MTCL2: variants seen among roughly 807,000 people sequenced by gnomAD.
MTCL2 encodes the protein microtubule cross-linking factor 2.
At chr20:36,829,619 G>A in the MTCL2 span, among the ~76,000 whole-genome samples, 5,028 of 148,568 alleles carry the variant, frequency 0.034, 328 homozygotes, top group African/African-American at 0.12. Context: ...CAGGGCTCAA[G>A]CAATCCTCTC....
chr20:36,784,812 G>A, the MTCL2 span: 1 of 985,562 alleles, frequency 1.0e-6, no homozygotes, highest in South Asian at 4.7e-5. Flanking sequence ...TGGTGAAAAG[G>A]CTGGCAGGCT....
chr20:36,855,224 C>A, the MTCL2 span, among the ~76,000 whole-genome samples: 1 of 152,228 alleles, frequency 6.6e-6, no homozygotes, highest in Non-Finnish European at 1.5e-5. Context: ...ACGTGCGGGG[C>A]AAGGACATCC....
the MTCL2 span, among the ~76,000 whole-genome samples, chr20:36,821,148 G>A: frequency 3.0e-3 from 451 of 152,356 alleles, 5 homozygotes; most frequent in Non-Finnish European, 1.4e-3. Flanking sequence ...TGTCCTTGGA[G>A]GTATGCTAGG....
chr20:36,814,566 T>C, the MTCL2 span, among the ~76,000 whole-genome samples: 2 of 152,048 alleles, frequency 1.3e-5, no homozygotes, highest in Non-Finnish European at 2.9e-5. Context: ...CTGGGCAATA[T>C]GGCAAGATTC....
the MTCL2 span, among the ~76,000 whole-genome samples, chr20:36,828,078 C>T: frequency 2.1e-3 from 314 of 152,284 alleles, no homozygotes; most frequent in African/African-American, 7.0e-3. Context: ...GGCTCGCCCT[C>T]GGGGGAGGAA....
chr20:36,834,402 G>A, the MTCL2 span, among the ~76,000 whole-genome samples: 1 of 152,114 alleles, frequency 6.6e-6, no homozygotes, highest in Non-Finnish European at 1.5e-5. Context: ...GCGTGCTCCT[G>A]GTGTGTCCTT....
chr20:36,855,849 A>G, the MTCL2 span, among the ~76,000 whole-genome samples: 1 of 152,296 alleles, frequency 6.6e-6, no homozygotes, highest in South Asian at 2.1e-4. Flanking sequence ...AGGAGGTGAC[A>G]CAGTGAGGTT....
the MTCL2 span, among the ~76,000 whole-genome samples, chr20:36,786,914 C>T: frequency 6.6e-6 from 1 of 152,178 alleles, no homozygotes; most frequent in Non-Finnish European, 1.5e-5. Context: ...CATACATTTA[C>T]CAAAATGACA....
the MTCL2 span, chr20:36,862,777 G>A: frequency 5.8e-5 from 84 of 1,436,766 alleles, no homozygotes; most frequent in Admixed American, 2.4e-4. Context: ...AGCGGCAAGC[G>A]GCTGCTGCCC....
the MTCL2 span, among the ~76,000 whole-genome samples, chr20:36,853,889 G>A: frequency 6.6e-6 from 1 of 152,166 alleles, no homozygotes; most frequent in South Asian, 2.1e-4. Context: ...GTCAGGAAGC[G>A]CCTGACAGTT....
chr20:36,829,278 T>G, the MTCL2 span: 1 of 1,478,396 alleles, frequency 6.8e-7, no homozygotes. Flanking sequence ...CAAGTCCCAC[T>G]GACCACCCGA....
At chr20:36,778,014 T>G in the MTCL2 span, 1 of 484,924 alleles carries the variant, frequency 2.1e-6, no homozygotes, top group Non-Finnish European at 3.6e-6. Context: ...ACAGTCAGGG[T>G]CTTCTGCCTC....
the MTCL2 span, among the ~76,000 whole-genome samples, chr20:36,856,525 G>A: frequency 7.9e-5 from 12 of 152,326 alleles, no homozygotes; most frequent in African/African-American, 2.4e-4. Flanking sequence ...TGGGCAGCTC[G>A]ACAATCGGTC....
At chr20:36,786,402 C>A in the MTCL2 span, 4 of 1,434,430 alleles carry the variant, frequency 2.8e-6, no homozygotes, top group African/African-American at 5.7e-5. Flanking sequence ...CACAGCCCCT[C>A]GCCTCACCTC....
chr20:36,826,170 C>T, the MTCL2 span, among the ~76,000 whole-genome samples: 1 of 151,774 alleles, frequency 6.6e-6, no homozygotes, highest in Non-Finnish European at 1.5e-5. Context: ...TCACTCCTGG[C>T]TAATTTTTTT....
the MTCL2 span, chr20:36,803,211 C>G: frequency 2.1e-6 from 3 of 1,454,306 alleles, no homozygotes; most frequent in Non-Finnish European, 2.7e-6. Flanking sequence ...GGGAGAGGTC[C>G]CCTCAGAAGA....
At chr20:36,810,064 A>C in the MTCL2 span, 1 of 1,599,516 alleles carries the variant, frequency 6.3e-7, no homozygotes. Context: ...CAAGCCCCGG[A>C]GGCTGTCGTG....
chr20:36,789,416 C>T, the MTCL2 span, among the ~76,000 whole-genome samples: 15 of 152,148 alleles, frequency 9.9e-5, no homozygotes, highest in Admixed American at 9.8e-4. Context: ...TATCCCACCA[C>T]TTTGGGAGAC....
At chr20:36,840,167 T>G in the MTCL2 span, among the ~76,000 whole-genome samples, 1 of 135,194 alleles carries the variant, frequency 7.4e-6, no homozygotes, top group East Asian at 2.1e-4. Flanking sequence ...CAGCCTGGTG[T>G]TTTTTTTTTT....
Sources: gnomAD v4.1 joint callset for allele counts (sites outside exome capture counted in the v4.1 genomes callset) on GRCh38, gnomAD v4.1.1 for gene constraint, MANE v1.5 for transcripts, NCBI Gene and HGNC (gene_info 2026-07-23, HGNC 2026-07-21) for gene names.